The following YME1L1 variants were observed in gnomAD, a reference collection of about 807,000 sequenced individuals.
The protein encoded by YME1L1 is YME1 like 1 ATPase, also known as ATP-dependent zinc metalloprotease YME1L1.
YME1L1 carries 39 observed loss-of-function variants against 90.4 expected under a neutral mutation model. That is an observed-to-expected ratio of 0.43 (90% confidence interval 0.33 to 0.56). The LOEUF (loss-of-function observed/expected upper bound fraction) is 0.56, where lower values mean the gene tolerates loss of function less well. Among genes scored for constraint, YME1L1 ranks in the 20% least tolerant of loss-of-function variants. YME1L1 has a pLI of 0.03. For synonymous variants in YME1L1, 284 were observed against 287.3 expected, an observed-to-expected ratio of 0.99 and a Z score of 0.12; for missense variants, 617 against 868.4, an observed-to-expected ratio of 0.71 and a Z score of 3.64.
chr10:27,149,121 TAA>T, intron 1 of YME1L1, 81 bp from the exon 2 acceptor site: 1 of 1,309,434 alleles, frequency 7.6e-7, no homozygotes, highest in Non-Finnish European at 1.1e-6. Flanking sequence ...CAGGATTTGT[TAA>T]GAGTTAAAGG....
intron 2 of YME1L1, chr10:27,147,501 G>C (rs143911158): frequency 4.0e-5 from 65 of 1,612,888 alleles, no homozygotes; most frequent in Non-Finnish European, 5.3e-5. Context: ...AGTGTACAGG[G>C]ATTGAGAGGG....
intron 8 of YME1L1, chr10:27,129,101 AAAAAAAAAAAAACT>A (rs2056950970): frequency 1.3e-5 from 2 of 150,528 alleles, no homozygotes; most frequent in Admixed American, 1.3e-4. Context: ...AAAAAAAAAA[AAAAAAAAAAAAACT>A]CTCATTCCAA....
At chr10:27,147,372 GA>G in intron 2 of YME1L1, 2 of 1,524,272 alleles carry the variant, frequency 1.3e-6, no homozygotes, top group Non-Finnish European at 1.8e-6. Flanking sequence ...AAAGAAACTA[GA>G]CTGGATGAGA....
At chr10:27,127,755 A>T (rs1475172920) in intron 8 of YME1L1, among the ~76,000 whole-genome samples, 1 of 152,212 alleles carries the variant, frequency 6.6e-6, no homozygotes, top group Non-Finnish European at 1.5e-5. Flanking sequence ...GGCTTCTGCT[A>T]AGGTTCTATT....
chr10:27,146,598 G>A, intron 2 of YME1L1: 1 of 152,160 alleles, frequency 6.6e-6, no homozygotes, highest in Non-Finnish European at 1.5e-5. Context: ...TGGGCATGGT[G>A]GTATGCACCC....
intron 1 of YME1L1, among the ~76,000 whole-genome samples, chr10:27,152,422 G>A (rs12571529): frequency 0.017 from 2,579 of 152,246 alleles, 145 homozygotes; most frequent in East Asian, 0.16. Flanking sequence ...AAATGCCTGA[G>A]AGTCCTCACT....
intron 2 of YME1L1, among the ~76,000 whole-genome samples, 180 bp downstream of exon 2, chr10:27,148,726 A>C (rs2057173317): frequency 6.6e-6 from 1 of 151,218 alleles, no homozygotes; most frequent in Non-Finnish European, 1.5e-5. Flanking sequence ...TGGACCCTTT[A>C]TTTTATCGGT....
intron 8 of YME1L1, among the ~76,000 whole-genome samples, chr10:27,129,811 G>A (rs2056959568): frequency 6.6e-6 from 1 of 151,776 alleles, no homozygotes; most frequent in African/African-American, 2.4e-5. Context: ...TTTATTTCCT[G>A]TTTCCATTCA....
intron 17 of YME1L1, 44 bp downstream of exon 17, chr10:27,116,016 G>A (rs1554803365): frequency 2.0e-6 from 3 of 1,525,502 alleles, no homozygotes; most frequent in Non-Finnish European, 2.7e-6. Flanking sequence ...ATCAACACTT[G>A]ACACATAATT....
chr10:27,117,512 G>A, intron 15 of YME1L1, 64 bp downstream of exon 15: 1 of 1,538,738 alleles, frequency 6.5e-7, no homozygotes, highest in Non-Finnish European at 8.9e-7. Flanking sequence ...AGGTTGCAGT[G>A]AGCTGAGATC....
chr10:27,113,542 C>A (rs916295615), intron 18 of YME1L1, among the ~76,000 whole-genome samples: 1 of 150,578 alleles, frequency 6.6e-6, no homozygotes, highest in Non-Finnish European at 1.5e-5. Flanking sequence ...CATGGTGGCA[C>A]GCGCCTGTAA....
At chr10:27,136,983 A>C (rs2057035278) in intron 4 of YME1L1, among the ~76,000 whole-genome samples, 1 of 149,926 alleles carries the variant, frequency 6.7e-6, no homozygotes, top group Non-Finnish European at 1.5e-5. Flanking sequence ...ATACAATATA[A>C]TTTAAAAAAC....
At chr10:27,142,583 A>G in intron 3 of YME1L1, 98 bp from the exon 4 acceptor site, 1 of 503,780 alleles carries the variant, frequency 2.0e-6, no homozygotes, top group Non-Finnish European at 3.4e-6. Flanking sequence ...TAGGGAAATC[A>G]CAATATGAGT....
At chr10:27,123,508 C>A (rs1184599306) in intron 10 of YME1L1, 39 bp downstream of exon 10, 6 of 1,593,082 alleles carry the variant, frequency 3.8e-6, no homozygotes, top group Admixed American at 3.6e-5. Context: ...CTTCCCTTAA[C>A]AAAATTTAGC....
At chr10:27,115,593 A>G (rs9971193) in intron 17 of YME1L1, among the ~76,000 whole-genome samples, 36,602 of 151,932 alleles carry the variant, frequency 0.24, 4,968 homozygotes, top group East Asian at 0.56. Flanking sequence ...GGGATTACAG[A>G]TGTGAGCCAC....
At chr10:27,147,632 C>G in intron 2 of YME1L1, 1 of 1,553,352 alleles carries the variant, frequency 6.4e-7, no homozygotes, top group Non-Finnish European at 8.7e-7. Context: ...CCAATTGAAA[C>G]AATGTTAAGC....
chr10:27,131,997 C>A, intron 7 of YME1L1, 56 bp from the exon 8 acceptor site: 2 of 1,454,768 alleles, frequency 1.4e-6, no homozygotes, highest in East Asian at 2.3e-5. Flanking sequence ...TTCCAATCAC[C>A]TTGTTTTTTA....
intron 15 of YME1L1, 145 bp downstream of exon 15, chr10:27,117,431 G>C: frequency 1.2e-6 from 1 of 805,896 alleles, no homozygotes; most frequent in Non-Finnish European, 1.9e-6. Context: ...AGCTGGGCGT[G>C]GTGGTGGGCA....
At chr10:27,120,318 A>T (rs1254411706) in intron 13 of YME1L1, 117 bp downstream of exon 13, 2 of 703,764 alleles carry the variant, frequency 2.8e-6, no homozygotes, top group African/African-American at 3.6e-5. Flanking sequence ...GGAAAAAAAA[A>T]AGACAAAAAT....
Sources: gnomAD v4.1 joint callset for allele counts (sites outside exome capture counted in the v4.1 genomes callset) on GRCh38, gnomAD v4.1.1 for gene constraint, MANE v1.5 for transcripts, NCBI Gene and HGNC (gene_info 2026-07-23, HGNC 2026-07-21) for gene names.